UBR7: variants seen among roughly 807,000 people sequenced by gnomAD.
UBR7 encodes putative E3 ubiquitin-protein ligase UBR7.
In UBR7, 22 loss-of-function variants were observed where a neutral mutation model predicts 57.0. That is an observed-to-expected ratio of 0.39 (90% CI 0.28 to 0.55). UBR7 has a LOEUF of 0.55. Among genes scored for constraint, UBR7 ranks in the 20% least tolerant of loss-of-function variants. The probability of loss-of-function intolerance (pLI) is 0.69; values close to 1 mark genes in which losing one functional copy is unlikely to be tolerated. For synonymous variants in UBR7, 167 were observed against 179.8 expected (o/e 0.93, Z 0.57); for missense variants, 395 against 513.2 (o/e 0.77, Z 2.23).
At chr14:93,211,839 T>A (rs1016678881) in intron 3 of UBR7, among the ~76,000 whole-genome samples, 193 bp from the exon 4 acceptor site, 6 of 151,974 alleles carry the variant, frequency 3.9e-5, no homozygotes, top group Non-Finnish European at 7.4e-5. Flanking sequence ...CAAAAAAAAA[T>A]TATTTTTTCC....
At chr14:93,209,583 T>G (rs1182125993) in intron 1 of UBR7, among the ~76,000 whole-genome samples, 2 of 151,618 alleles carry the variant, frequency 1.3e-5, no homozygotes, top group African/African-American at 4.9e-5. Flanking sequence ...CTGCAAAAAA[T>G]AAATAAGGAA....
intron 2 of UBR7, among the ~76,000 whole-genome samples, chr14:93,210,214 G>A (rs1403313625): frequency 2.6e-5 from 4 of 152,010 alleles, no homozygotes; most frequent in Admixed American, 2.6e-4. Context: ...CTCCCGAATA[G>A]CTGGGATTAA....
At chr14:93,213,521 A>G (rs1186625483) in intron 4 of UBR7, among the ~76,000 whole-genome samples, 1 of 152,068 alleles carries the variant, frequency 6.6e-6, no homozygotes, top group African/African-American at 2.4e-5. Context: ...GTTAGCCAGG[A>G]TGGTCTCAAT....
At chr14:93,208,029 T>C (rs1159559796) in intron 1 of UBR7, among the ~76,000 whole-genome samples, 1 of 151,992 alleles carries the variant, frequency 6.6e-6, no homozygotes, top group Non-Finnish European at 1.5e-5. Flanking sequence ...CCCCTGGAAA[T>C]AGACCGGAAA....
intron 10 of UBR7, among the ~76,000 whole-genome samples, chr14:93,224,372 C>CTTT (rs761189322): frequency 4.2e-4 from 39 of 93,782 alleles, no homozygotes; most frequent in Admixed American, 6.0e-4. Context: ...CCTTACAGTT[C>CTTT]TTTTTTTTTT....
chr14:93,227,331 CA>C lies in UBR7; in HGVS notation c.*299del. The C allele has an allele frequency of 1.6e-6, 1 of 607,656 alleles. No homozygotes were observed. The highest frequency in any genetic ancestry group is 3.1e-6 in the Non-Finnish European group (1 of 327,032). 37.6% of individuals were successfully genotyped at this position (607,656 alleles called of 1,614,324 possible). A position where few individuals can be genotyped will look rare whatever the true frequency, so the allele number is the denominator to read the frequency against. ...TAAGTTTGATTTTGTTTTGAGAAAGCAAATTGGTGTCTTGTTTAATGATCTG... is the reference window on the plus strand; with the variant it reads ...TAAGTTTGATTTTGTTTTGAGAAAGCAATTGGTGTCTTGTTTAATGATCTG... On this transcript the variant is annotated 3_prime_UTR_variant, in exon 11 of 11. Coordinates refer to ENST00000013070, the MANE Select transcript of UBR7 (RefSeq NM_175748.4).
intron 7 of UBR7, 135 bp downstream of exon 7, chr14:93,218,870 C>T: frequency 2.2e-6 from 2 of 900,468 alleles, no homozygotes; most frequent in Non-Finnish European, 3.4e-6. Context: ...GCCTTGGCAA[C>T]ATGGGTAAAC....
chr14:93,210,077 A>T lies in UBR7; in HGVS notation c.284+120A>T, dbSNP rs1284493769. 1.7e-4 allele frequency: 109 copies of T among 638,246 alleles called. 4 individuals carry two copies. The highest frequency in any genetic ancestry group is 2.3e-4 in the Non-Finnish European group (97 of 421,992). The allele number at this position is 638,246 out of a possible 1,614,324, so 39.5% of individuals were successfully genotyped here. A position where few individuals can be genotyped will look rare whatever the true frequency, so the allele number is the denominator to read the frequency against. On this transcript the variant is annotated intron_variant, in intron 2 of 10. Coordinates refer to ENST00000013070, the MANE Select transcript of UBR7 (RefSeq NM_175748.4). ...AGTTGAACACTAATGAAATTAATTA[A>T]TTAATTTATTTATTTATTTATTTTG...
Position 93,207,283 on chromosome 14 carries a change from C to G in UBR7, c.-9C>G. The G allele has an allele frequency of 6.4e-7, 1 of 1,553,156 alleles. No homozygotes were observed. The highest frequency in any genetic ancestry group is 8.7e-7 in the Non-Finnish European group (1 of 1,148,380). ...CGGGGCCGAGCCGCTGTTCGGCTGA[C>G]AGTTGAGGATGGCCGGAGCCGAGGG... On this transcript the variant is annotated 5_prime_UTR_variant, in exon 1 of 11. Transcript: ENST00000013070.
Position 93,228,164 on chromosome 14 carries a change from G to A in UBR7, c.*1129G>A, listed in dbSNP as rs575957566. Reference sequence around the variant, plus strand: ...TGTGTATATAATGTTAATGTCCACCGCCACTTCCCTAACGACTATGAGATC... The same window carrying A: ...TGTGTATATAATGTTAATGTCCACCACCACTTCCCTAACGACTATGAGATC... On this transcript the variant is annotated 3_prime_UTR_variant, in exon 11 of 11. Transcript: ENST00000013070. 4 of 590,284 alleles carry A rather than the reference G, an allele frequency of 6.8e-6. No individual in the cohort carries two copies. The highest frequency in any genetic ancestry group is 2.1e-5 in the Admixed American group (1 of 46,518). 36.6% of individuals were successfully genotyped at this position (590,284 alleles called of 1,614,324 possible). A position where few individuals can be genotyped will look rare whatever the true frequency, so the allele number is the denominator to read the frequency against.
rs1454103927 is a variant in UBR7 at position 93,220,451 on chromosome 14, A to G, written c.1123+40A>G. On this transcript the variant is annotated intron_variant, in intron 9 of 10. Transcript: ENST00000013070. ...TGTGTGAAAATTCATCATTTCCTTC[A>G]CTATGTAAAAAAATATAAAGGGGGC... The G allele has an allele frequency of 1.9e-6, 3 of 1,611,538 alleles. No individual in the cohort carries two copies. The African/African-American group carries it at 4.0e-5, about 22-fold the overall frequency.
At position 93,227,468 on chromosome 14, in the gene UBR7, C is replaced by A. The variant is rs1389129853; in HGVS notation, c.*433C>A. The A allele has an allele frequency of 1.5e-6, 1 of 689,408 alleles. No homozygotes were observed. The highest frequency in any genetic ancestry group is 1.8e-5 in the African/African-American group (1 of 56,980). 42.7% of individuals were successfully genotyped at this position (689,408 alleles called of 1,614,324 possible). ...CCCGTCACCTAGAACCTCTACAGGTCCCCTCGCCCCTATGATCGTGGTGCC... is the reference window on the plus strand; with the variant it reads ...CCCGTCACCTAGAACCTCTACAGGTACCCTCGCCCCTATGATCGTGGTGCC... On this transcript the variant is annotated 3_prime_UTR_variant, in exon 11 of 11. Coordinates refer to ENST00000013070, the MANE Select transcript of UBR7 (RefSeq NM_175748.4).
rs1894931829 is a variant in UBR7 at position 93,228,923 on chromosome 14, T to A, written c.*1888T>A. 2.2e-6 allele frequency: 1 copy of A among 454,048 alleles called. No homozygotes were observed. Among genetic ancestry groups the A allele is most frequent in the Non-Finnish European group, 4.4e-6 (1 of 226,808 alleles). 28.1% of individuals were successfully genotyped at this position (454,048 alleles called of 1,614,324 possible). Reference sequence around the variant, plus strand: ...TCAGTTAACTCAGCGCTGAAGGGCTTGTTTTATGAAAGGTACTATTCCTTC... The same window carrying A: ...TCAGTTAACTCAGCGCTGAAGGGCTAGTTTTATGAAAGGTACTATTCCTTC... On this transcript the variant is annotated 3_prime_UTR_variant, in exon 11 of 11. Transcript: ENST00000013070.
At chr14:93,226,614 C>T (rs1434228430) in intron 10 of UBR7, among the ~76,000 whole-genome samples, 1 of 151,986 alleles carries the variant, frequency 6.6e-6, no homozygotes, top group Non-Finnish European at 1.5e-5. Context: ...CACGGTGAAA[C>T]CCCGTCTCTA....
At chr14:93,214,822 C>T (rs1219331740) in intron 4 of UBR7, 107 bp from the exon 5 acceptor site, 1 of 983,006 alleles carries the variant, frequency 1.0e-6, no homozygotes, top group Non-Finnish European at 1.6e-6. Context: ...CTTTGGAACA[C>T]CAGTTCATGT....
chr14:93,224,571 G>A (rs1166849588), intron 10 of UBR7, among the ~76,000 whole-genome samples: 6 of 152,070 alleles, frequency 3.9e-5, no homozygotes, highest in South Asian at 2.1e-4. Context: ...TAGAGACGGG[G>A]TTTCACCGTG....
chr14:93,223,754 G>T, intron 10 of UBR7: 1 of 757,460 alleles, frequency 1.3e-6, no homozygotes, highest in East Asian at 2.5e-5. Flanking sequence ...TTCACCTTCA[G>T]GATCTCGATG....
chr14:93,220,435 A>G (rs1164486095), intron 9 of UBR7, 24 bp downstream of exon 9: 2 of 1,613,772 alleles, frequency 1.2e-6, no homozygotes, highest in South Asian at 2.2e-5. Context: ...GTGTGTGAAA[A>G]TTCATCATTT....
rs1444938880 is a variant in UBR7, at chr14:93,209,850, T to C, written c.177T>C (p.Tyr59=). 3 of 1,614,048 alleles carry C rather than the reference T, an allele frequency of 1.9e-6. No homozygotes were observed. Among genetic ancestry groups the C allele is most frequent in the South Asian group, 1.1e-5 (1 of 91,086 alleles). The change falls in exon 2 of 11, where the codon TAT becomes TAC. Residue 59 remains tyrosine (Y), a synonymous_variant. Coordinates refer to ENST00000013070, the MANE Select transcript of UBR7 (RefSeq NM_175748.4). ...SQGSVKRQAL[Y]ACSTCTPEGE... ...GCTCAGTAAAGAGACAAGCACTATA[T>C]GCCTGTAGTACCTGCACCCCAGAGG...
Sources: allele counts gnomAD v4.1 joint callset (sites outside exome capture counted in the v4.1 genomes callset), GRCh38; gene constraint gnomAD v4.1.1; transcripts MANE v1.5; gene names NCBI Gene and HGNC (gene_info 2026-07-23, HGNC 2026-07-21).